TAFA4: variants seen among roughly 807,000 people sequenced by gnomAD.
TAFA4 encodes the protein TAFA chemokine like family member 4, also known as chemokine-like protein TAFA-4.
In TAFA4, 20 loss-of-function variants were observed where a neutral mutation model predicts 21.1. The ratio of observed to expected loss-of-function variants is 0.95; its 90% CI spans 0.67 to 1.38. TAFA4 has a LOEUF of 1.38. TAFA4 is among the 40% of genes most tolerant of loss of function. The pLI is 0.00. For synonymous variants in TAFA4, 71 were observed against 67.4 expected (o/e 1.05, Z -0.26); for missense variants, 211 against 180.9 (o/e 1.17, Z -0.95).
At chr3:68,749,475 A>G (rs1326329906) in intron 4 of TAFA4, among the ~76,000 whole-genome samples, 2 of 152,188 alleles carry the variant, frequency 1.3e-5, no homozygotes, top group Non-Finnish European at 2.9e-5. Context: ...CTCACATTCC[A>G]ATTAGGGCAT....
intron 3 of TAFA4, among the ~76,000 whole-genome samples, chr3:68,798,977 A>C (rs561955456): frequency 6.6e-6 from 1 of 152,312 alleles, no homozygotes; most frequent in East Asian, 1.9e-4. Context: ...GTTTTATTGT[A>C]GTCCTGGTTT....
At chr3:68,860,231 G>A (rs1278415576) in intron 3 of TAFA4, among the ~76,000 whole-genome samples, 1 of 152,046 alleles carries the variant, frequency 6.6e-6, no homozygotes, top group South Asian at 2.1e-4. Context: ...AACTGATGAG[G>A]CGAAAGCTTG....
chr3:68,809,669 T>A (rs1022392689), intron 3 of TAFA4, among the ~76,000 whole-genome samples: 1 of 151,948 alleles, frequency 6.6e-6, no homozygotes, highest in African/African-American at 2.4e-5. Context: ...CCCCGTTTTT[T>A]CTTCTAGCAG....
chr3:68,799,880 C>T (rs1057072314), intron 3 of TAFA4, among the ~76,000 whole-genome samples: 14 of 152,116 alleles, frequency 9.2e-5, no homozygotes, highest in African/African-American at 3.4e-4. Flanking sequence ...CGCTCCCCAT[C>T]ACTCACATTA....
intron 1 of TAFA4, among the ~76,000 whole-genome samples, chr3:68,910,811 A>C (rs2089954090): frequency 1.3e-5 from 2 of 152,360 alleles, no homozygotes; most frequent in South Asian, 4.1e-4. Flanking sequence ...TGCATAGTTC[A>C]GCACCAAATC....
At chr3:68,896,505 G>A (rs2089790265) in intron 1 of TAFA4, among the ~76,000 whole-genome samples, 1 of 152,174 alleles carries the variant, frequency 6.6e-6, no homozygotes, top group South Asian at 2.1e-4. Flanking sequence ...GAGTAAGTGA[G>A]CAAAATGTTA....
At chr3:68,805,382 G>A (rs1703670486) in intron 3 of TAFA4, among the ~76,000 whole-genome samples, 1 of 152,182 alleles carries the variant, frequency 6.6e-6, no homozygotes. Flanking sequence ...CAACCATTGT[G>A]GAAGTCACTG....
intron 3 of TAFA4, among the ~76,000 whole-genome samples, chr3:68,865,498 C>T (rs2106929043): frequency 6.6e-6 from 1 of 152,214 alleles, no homozygotes; most frequent in African/African-American, 2.4e-5. Context: ...AGTTTCCTGG[C>T]ACATCTCTTT....
chr3:68,803,689 G>GAA lies in TAFA4; in HGVS notation c.131-50673_131-50672dup, dbSNP rs537676848. Among the ~76,000 whole-genome samples the GAA allele has an allele frequency of 4.7e-3, 641 of 136,720 alleles. 5 individuals carry two copies. Among genetic ancestry groups the GAA allele is most frequent in the African/African-American group, 0.016 (594 of 37,698 alleles). The allele number at this position is 136,720 out of a possible 152,430, so 89.7% of individuals were successfully genotyped here. Reference sequence around the variant, plus strand: ...GTTTTTCAATAGCTTCAGTAAGTGGGAAAAAAAAAAAACAGGGATGTGACT... The same window carrying GAA: ...GTTTTTCAATAGCTTCAGTAAGTGGGAAAAAAAAAAAAAACAGGGATGTGACT... On this transcript the variant is annotated intron_variant, in intron 3 of 5. Coordinates refer to ENST00000295569, the MANE Select transcript of TAFA4 (RefSeq NM_182522.5).
chr3:68,783,777 A>G (rs2106801186), intron 3 of TAFA4, among the ~76,000 whole-genome samples: 1 of 149,736 alleles, frequency 6.7e-6, no homozygotes, highest in Middle Eastern at 3.4e-3. Context: ...CAAAGAAACA[A>G]AGAAAAAGAG....
intron 3 of TAFA4, among the ~76,000 whole-genome samples, chr3:68,828,221 G>T (rs1287025461): frequency 6.6e-6 from 1 of 152,134 alleles, no homozygotes; most frequent in African/African-American, 2.4e-5. Flanking sequence ...CCTCTGTTCT[G>T]TTCCATTGGT....
chr3:68,816,605 TC>T (rs1206235883), intron 3 of TAFA4, among the ~76,000 whole-genome samples: 17 of 152,208 alleles, frequency 1.1e-4, no homozygotes, highest in Non-Finnish European at 1.6e-4. Flanking sequence ...TTTTATGGAA[TC>T]CTCAGGGTTT....
intron 3 of TAFA4, among the ~76,000 whole-genome samples, chr3:68,839,414 AAAC>A (rs982165149): frequency 6.6e-6 from 1 of 152,206 alleles, no homozygotes; most frequent in Non-Finnish European, 1.5e-5. Flanking sequence ...ATAATGTCCA[AAAC>A]AACAACAATG....
intron 3 of TAFA4, among the ~76,000 whole-genome samples, chr3:68,768,140 A>G (rs1326684981): frequency 2.0e-5 from 3 of 152,192 alleles, no homozygotes; most frequent in African/African-American, 4.8e-5. Context: ...AAGGGCTTCT[A>G]TGTAACAAAG....
chr3:68,804,433 G>A (rs1703643312), intron 3 of TAFA4, among the ~76,000 whole-genome samples: 1 of 152,110 alleles, frequency 6.6e-6, no homozygotes, highest in South Asian at 2.1e-4. Context: ...TTTCTTCACA[G>A]AATTGGAAAA....
intron 3 of TAFA4, among the ~76,000 whole-genome samples, chr3:68,832,705 C>T (rs1047592242): frequency 1.3e-5 from 2 of 152,232 alleles, no homozygotes; most frequent in Non-Finnish European, 2.9e-5. Flanking sequence ...GGGAGAAACA[C>T]TGCTCTCTTC....
intron 3 of TAFA4, among the ~76,000 whole-genome samples, chr3:68,834,764 C>T (rs1255482711): frequency 6.6e-6 from 1 of 152,126 alleles, no homozygotes; most frequent in African/African-American, 2.4e-5. Context: ...CATCTGTCAG[C>T]AGAATGGCAC....
intron 3 of TAFA4, among the ~76,000 whole-genome samples, chr3:68,812,901 C>A (rs1393525382): frequency 1.3e-5 from 2 of 152,158 alleles, no homozygotes; most frequent in East Asian, 1.9e-4. Context: ...CACACCTATT[C>A]CAAAATTGAC....
chr3:68,795,565 T>C (rs1703440493), intron 3 of TAFA4, among the ~76,000 whole-genome samples: 1 of 152,214 alleles, frequency 6.6e-6, no homozygotes, highest in Non-Finnish European at 1.5e-5. Flanking sequence ...TTCATTGCTC[T>C]ATCCTGCTAA....
Sources: gnomAD v4.1 joint callset for allele counts (sites outside exome capture counted in the v4.1 genomes callset) on GRCh38, gnomAD v4.1.1 for gene constraint, MANE v1.5 for transcripts, NCBI Gene and HGNC (gene_info 2026-07-23, HGNC 2026-07-21) for gene names.